The following FA2H variants were observed in gnomAD, a reference collection of about 807,000 sequenced individuals.
The protein encoded by FA2H is fatty acid alpha-hydroxylase.
Under a neutral mutation model 44.9 loss-of-function variants are expected in FA2H, and 22 were observed. That is an observed-to-expected ratio of 0.49 (90% CI 0.35 to 0.70). FA2H has a LOEUF of 0.70. Among genes scored for constraint, FA2H ranks in the 30% least tolerant of loss-of-function variants. The pLI, the probability that FA2H is intolerant of heterozygous loss-of-function variation, is 0.01. For missense variants in FA2H, 501 were observed against 504.9 expected (o/e 0.99, Z 0.07); for synonymous variants, 243 against 213.2 (o/e 1.14, Z -1.22).
intron 2 of FA2H, among the ~76,000 whole-genome samples, chr16:74,738,536 CACA>C (rs1212887485): frequency 1.3e-5 from 2 of 152,178 alleles, no homozygotes; most frequent in Non-Finnish European, 2.9e-5. Flanking sequence ...TTGTTCATGT[CACA>C]TCACCCTGAT....
chr16:74,739,020 T>A (rs374135509), intron 2 of FA2H, among the ~76,000 whole-genome samples: 2 of 152,192 alleles, frequency 1.3e-5, no homozygotes, highest in Non-Finnish European at 2.9e-5. Context: ...ACAGGTGGGA[T>A]CTCTGTGTTC....
chr16:74,719,616 C>A (rs1961784746), intron 4 of FA2H, among the ~76,000 whole-genome samples: 1 of 152,202 alleles, frequency 6.6e-6, no homozygotes, highest in Non-Finnish European at 1.5e-5. Context: ...CAGCTTACTG[C>A]AGCCTTCCCT....
At chr16:74,721,706 T>A (rs1323757978) in intron 4 of FA2H, among the ~76,000 whole-genome samples, 4 of 152,118 alleles carry the variant, frequency 2.6e-5, no homozygotes, top group Admixed American at 2.6e-4. Context: ...CACGCTCTAC[T>A]CCCCTTTACT....
chr16:74,727,660 G>T (rs1269430078), intron 2 of FA2H, among the ~76,000 whole-genome samples: 2 of 152,194 alleles, frequency 1.3e-5, no homozygotes, highest in East Asian at 3.9e-4. Flanking sequence ...TGCTAAATCG[G>T]CAGGGCATGA....
intron 2 of FA2H, among the ~76,000 whole-genome samples, chr16:74,734,702 TC>T (rs1962147245): frequency 6.6e-6 from 1 of 152,058 alleles, no homozygotes; most frequent in Non-Finnish European, 1.5e-5. Flanking sequence ...CCAGGACCCC[TC>T]CTCCTGGGCA....
intron 1 of FA2H, among the ~76,000 whole-genome samples, chr16:74,749,717 T>C (rs902695498): frequency 1.1e-4 from 16 of 152,320 alleles, no homozygotes; most frequent in African/African-American, 3.6e-4. Context: ...CTCGCTAGGA[T>C]ACCCCCTGTG....
At chr16:74,762,264 C>T (rs57846685) in intron 1 of FA2H, among the ~76,000 whole-genome samples, 11,124 of 152,182 alleles carry the variant, frequency 0.073, 435 homozygotes, top group African/African-American at 0.092. Flanking sequence ...AGGGTGGTCT[C>T]GATTTCCTGA....
intron 2 of FA2H, among the ~76,000 whole-genome samples, chr16:74,738,642 T>C (rs1276024631): frequency 1.3e-5 from 2 of 152,170 alleles, no homozygotes; most frequent in African/African-American, 2.4e-5. Flanking sequence ...CTCCTTCCAG[T>C]ACCATCCACT....
intron 5 of FA2H, among the ~76,000 whole-genome samples, chr16:74,718,703 G>C (rs1961761505): frequency 6.6e-6 from 1 of 152,214 alleles, no homozygotes; most frequent in Non-Finnish European, 1.5e-5. Context: ...GGCATTTGCT[G>C]AATGAATGAA....
At chr16:74,763,013 T>C (rs533203120) in intron 1 of FA2H, among the ~76,000 whole-genome samples, 27 of 152,198 alleles carry the variant, frequency 1.8e-4, no homozygotes, top group Non-Finnish European at 2.9e-4. Context: ...GATCTGTCCT[T>C]TTCCCTGTTT....
intron 1 of FA2H, among the ~76,000 whole-genome samples, chr16:74,772,027 T>C (rs1028844381): frequency 2.6e-5 from 4 of 151,646 alleles, no homozygotes; most frequent in Non-Finnish European, 4.4e-5. Flanking sequence ...CTTGGCTCAC[T>C]GCAACCTCCA....
At chr16:74,739,091 C>G (rs2240257) in intron 2 of FA2H, among the ~76,000 whole-genome samples, 9 of 152,184 alleles carry the variant, frequency 5.9e-5, no homozygotes, top group African/African-American at 2.2e-4. Flanking sequence ...CCACCCCACT[C>G]TGCTCACCTG....
At chr16:74,767,566 T>C (rs374122543) in intron 1 of FA2H, among the ~76,000 whole-genome samples, 92 of 152,142 alleles carry the variant, frequency 6.0e-4, no homozygotes, top group African/African-American at 2.2e-3. Context: ...GGAAGATGGA[T>C]GTAGGAGCAT....
intron 6 of FA2H, among the ~76,000 whole-genome samples, chr16:74,715,679 A>G (rs1459834922): frequency 6.6e-6 from 1 of 152,068 alleles, no homozygotes; most frequent in Non-Finnish European, 1.5e-5. Context: ...TCATCTGTTT[A>G]TTTTCATGTC....
intron 1 of FA2H, among the ~76,000 whole-genome samples, chr16:74,741,789 T>G (rs1357732673): frequency 1.4e-5 from 1 of 72,256 alleles, no homozygotes; most frequent in African/African-American, 5.7e-5. Flanking sequence ...TATATATATA[T>G]ATATATATAT....
Position 74,774,779 on chromosome 16 carries a change from G to A in FA2H, c.-24C>T. The stretch of plus-strand genomic sequence containing the variant: ...ATGGCCGGAGACCGCAGCTCCCAGC[G>A]CGCAGCCCGGCGTCTGCTCTGCTGC... On this transcript the variant is annotated 5_prime_UTR_variant, in exon 1 of 7. Coordinates refer to ENST00000219368, the MANE Select transcript of FA2H (RefSeq NM_024306.5). 4 of 1,278,114 alleles carry A rather than the reference G, an allele frequency of 3.1e-6. No individual in the cohort carries two copies. The highest frequency in any genetic ancestry group is 6.5e-5 in the East Asian group (2 of 30,986). 79.2% of individuals were successfully genotyped at this position (1,278,114 alleles called of 1,614,324 possible). A position where few individuals can be genotyped will look rare whatever the true frequency, so the allele number is the denominator to read the frequency against.
intron 4 of FA2H, among the ~76,000 whole-genome samples, chr16:74,720,595 C>T (rs1304627533): frequency 6.6e-6 from 1 of 152,130 alleles, no homozygotes; most frequent in African/African-American, 2.4e-5. Context: ...AATTCACATC[C>T]ATATAATTCA....
intron 1 of FA2H, among the ~76,000 whole-genome samples, chr16:74,771,877 G>C (rs1253374678): frequency 1.3e-5 from 2 of 151,188 alleles, no homozygotes; most frequent in Admixed American, 1.3e-4. Context: ...GTTCCTCCTT[G>C]AAACTGCAGC....
In FA2H at chr16:74,740,023, C is replaced by A; in HGVS notation, c.363G>T (p.Lys121Asn). ...EPRFKVVDWD[K>N]DLVDWRKPLL... ...CCCCACTCCATCCTATGCCAGGTAC[C>A]TTGTCCCAATCCACCACTTTGAACC... is the stretch of plus-strand genomic sequence containing the variant. The change falls in exon 2 of 7, where the codon AAG (lysine) becomes AAT (asparagine). Residue 121 changes from lysine (K) to asparagine (N), a missense_variant and splice_region_variant. By Grantham distance (94) the Lys-to-Asn change is moderately conservative. Transcript: ENST00000219368. The A allele has an allele frequency of 6.2e-7, 1 of 1,610,802 alleles. No homozygotes were observed. Among genetic ancestry groups the A allele is most frequent in the Non-Finnish European group, 8.5e-7 (1 of 1,176,974 alleles).
Sources: allele counts gnomAD v4.1 joint callset (sites outside exome capture counted in the v4.1 genomes callset), GRCh38; gene constraint gnomAD v4.1.1; transcripts MANE v1.5; gene names NCBI Gene and HGNC (gene_info 2026-07-23, HGNC 2026-07-21).